Variants in DCDC1 observed in about 807,000 individuals in gnomAD.
The protein encoded by DCDC1 is doublecortin domain-containing protein 1.
Under a neutral mutation model 178.3 loss-of-function variants are expected in DCDC1, and 200 were observed. That is an observed-to-expected ratio of 1.12 (90% confidence interval 1.00 to 1.26). DCDC1 has a LOEUF of 1.26. Among genes scored for constraint, DCDC1 ranks in the 50% most tolerant of loss-of-function variants. DCDC1 has a pLI of 0.00. For missense variants in DCDC1, 1,983 were observed against 1,749.2 expected, an observed-to-expected ratio of 1.13 and a Z score of -2.38; for synonymous variants, 690 against 604.8, an observed-to-expected ratio of 1.14 and a Z score of -2.07.
chr11:30,996,110 C>T (rs948943164), intron 20 of DCDC1, among the ~76,000 whole-genome samples: 10 of 152,212 alleles, frequency 6.6e-5, no homozygotes, highest in African/African-American at 2.2e-4. Flanking sequence ...ATGATCTGAA[C>T]AGACCCATCA....
At chr11:30,917,093 T>A in intron 25 of DCDC1, 65 bp from the exon 26 acceptor site, 1 of 1,506,816 alleles carries the variant, frequency 6.6e-7, no homozygotes, top group Non-Finnish European at 8.9e-7. Flanking sequence ...AATTTTTTTC[T>A]GAGGTGTAGT....
intron 32 of DCDC1, among the ~76,000 whole-genome samples, chr11:30,901,460 T>C (rs1196613279): frequency 6.6e-6 from 1 of 152,170 alleles, no homozygotes; most frequent in Admixed American, 6.6e-5. Flanking sequence ...GTGAAGCCTG[T>C]GCTCTTAATG....
In DCDC1 at chr11:31,052,679, T is replaced by C. The variant is rs150110020; in HGVS notation, c.2591+11790A>G. 5.7e-3 allele frequency among the ~76,000 whole-genome samples: 871 copies of C among 151,838 alleles called. 9 individuals are homozygous for C. Among genetic ancestry groups the C allele is most frequent in the African/African-American group, 0.02 (835 of 41,468 alleles). On this transcript the variant is annotated intron_variant, in intron 20 of 38. Transcript: ENST00000684477. ...CTCGAAGACCACAGTGGAATAAAAA[T>C]GGAAATCAACTCCATGCAAATACAT...
intron 10 of DCDC1, among the ~76,000 whole-genome samples, chr11:31,136,690 G>T (rs1424943911): frequency 1.3e-5 from 2 of 152,084 alleles, no homozygotes; most frequent in Non-Finnish European, 2.9e-5. Flanking sequence ...GTGGTACATA[G>T]AAATTAGAAA....
At chr11:31,337,185 A>G (rs1333328122) in intron 1 of DCDC1, among the ~76,000 whole-genome samples, 1 of 152,238 alleles carries the variant, frequency 6.6e-6, no homozygotes, top group Non-Finnish European at 1.5e-5. Context: ...AGAAATAAGG[A>G]TAACACTAGA....
intron 17 of DCDC1, among the ~76,000 whole-genome samples, chr11:31,087,232 A>C (rs1957534553): frequency 6.6e-6 from 1 of 152,104 alleles, no homozygotes; most frequent in Non-Finnish European, 1.5e-5. Flanking sequence ...TTGCTGATAC[A>C]GGTAATTTGT....
chr11:31,237,702 C>T (rs1179720757), intron 9 of DCDC1, among the ~76,000 whole-genome samples: 4 of 152,002 alleles, frequency 2.6e-5, no homozygotes, highest in African/African-American at 9.7e-5. Flanking sequence ...TTTCAATACA[C>T]TACCAAAGTT....
At chr11:31,158,131 C>T (rs1009228059) in intron 9 of DCDC1, among the ~76,000 whole-genome samples, 11 of 151,888 alleles carry the variant, frequency 7.2e-5, no homozygotes, top group Non-Finnish European at 1.3e-4. Flanking sequence ...GTTTTTGAGA[C>T]GGAGTCTCGC....
chr11:31,107,026 T>C, intron 12 of DCDC1, 66 bp from the exon 13 acceptor site: 1 of 672,194 alleles, frequency 1.5e-6, no homozygotes, highest in Admixed American at 2.5e-5. Context: ...GGAACATCTG[T>C]AATAAACTGT....
chr11:31,362,875 A>G (rs1951781765), intron 1 of DCDC1, among the ~76,000 whole-genome samples: 1 of 152,164 alleles, frequency 6.6e-6, no homozygotes. Context: ...TGTTTTTCTC[A>G]GTCTCTAACT....
chr11:31,151,357 T>C (rs1591231668), intron 9 of DCDC1, among the ~76,000 whole-genome samples: 1 of 152,216 alleles, frequency 6.6e-6, no homozygotes, highest in East Asian at 1.9e-4. Context: ...ATCAGAATTC[T>C]ATTATGATCT....
At chr11:30,892,054 GA>G (rs750776937) in intron 36 of DCDC1, among the ~76,000 whole-genome samples, 9 of 152,076 alleles carry the variant, frequency 5.9e-5, no homozygotes, top group Non-Finnish European at 1.2e-4. Flanking sequence ...AAAAATTCAT[GA>G]AAACATTTCA....
Position 31,009,243 on chromosome 11 carries a change from A to C in DCDC1, c.2591+55226T>G, listed in dbSNP as rs1000366834. 4.6e-5 allele frequency among the ~76,000 whole-genome samples: 7 copies of C among 152,132 alleles called. No homozygotes were observed. In the East Asian group the frequency reaches 1.3e-3, roughly 29 times the overall value. On this transcript the variant is annotated intron_variant, in intron 20 of 38. Coordinates refer to ENST00000684477, the MANE Select transcript of DCDC1 (RefSeq NM_001387274.1). The stretch of plus-strand genomic sequence containing the variant: ...TATTTTATTTTTAAAATAAATAAGA[A>C]CAACTGAAGGTATAATAGTTCATAT...
chr11:31,230,509 G>C (rs1351445777), intron 9 of DCDC1, among the ~76,000 whole-genome samples: 1 of 152,168 alleles, frequency 6.6e-6, no homozygotes, highest in East Asian at 1.9e-4. Flanking sequence ...TAAGACTGCA[G>C]TGTCCAGGGT....
chr11:30,866,001 T>A (rs924765182), intron 38 of DCDC1, among the ~76,000 whole-genome samples: 4 of 152,098 alleles, frequency 2.6e-5, no homozygotes, highest in African/African-American at 9.7e-5. Flanking sequence ...CAGGATGTGA[T>A]CTTATTTGGA....
chr11:31,339,462 G>T (rs1486514732), intron 1 of DCDC1, among the ~76,000 whole-genome samples: 2 of 152,092 alleles, frequency 1.3e-5, no homozygotes, highest in African/African-American at 4.8e-5. Context: ...TGTTATGGCA[G>T]CCCAGAATAA....
rs185488588 is a variant in DCDC1, at chr11:31,300,720, A to G, written c.754+4895T>C. Among the ~76,000 whole-genome samples, 5 of 152,256 alleles carry G rather than the reference A, an allele frequency of 3.3e-5. No individual in the cohort carries two copies. The East Asian group carries it at 7.8e-4, about 24-fold the overall frequency. ...AGAATATATAAATGAATTCTCAGGTAAAGTAACAAGCAGCATAGGCAGACA... is the reference window on the plus strand; with the variant it reads ...AGAATATATAAATGAATTCTCAGGTGAAGTAACAAGCAGCATAGGCAGACA... On this transcript the variant is annotated intron_variant, in intron 6 of 38. Coordinates refer to ENST00000684477, the MANE Select transcript of DCDC1 (RefSeq NM_001387274.1).
intron 20 of DCDC1, among the ~76,000 whole-genome samples, chr11:30,970,039 A>G (rs1347376411): frequency 1.3e-5 from 2 of 152,208 alleles, no homozygotes; most frequent in Non-Finnish European, 2.9e-5. Flanking sequence ...ACCAAAAGCA[A>G]GGAAGGAGGG....
intron 11 of DCDC1, among the ~76,000 whole-genome samples, chr11:31,123,056 T>A (rs990376844): frequency 5.3e-5 from 8 of 152,026 alleles, no homozygotes; most frequent in African/African-American, 1.9e-4. Context: ...GTCACTATAT[T>A]CCAGTAAAAC....
Sources: gnomAD v4.1 joint callset for allele counts (sites outside exome capture counted in the v4.1 genomes callset) on GRCh38, gnomAD v4.1.1 for gene constraint, MANE v1.5 for transcripts, NCBI Gene and HGNC (gene_info 2026-07-23, HGNC 2026-07-21) for gene names.